Variants in TENM3 observed in about 807,000 individuals in gnomAD.
TENM3 encodes the protein teneurin transmembrane protein 3.
A neutral mutation model predicts 255.1 loss-of-function variants in TENM3; 63 were observed. The ratio of observed to expected loss-of-function variants is 0.25; its 90% CI spans 0.20 to 0.30. The LOEUF (loss-of-function observed/expected upper bound fraction) is 0.30. Ranked by LOEUF, TENM3 falls within the 10% of genes least tolerant of loss-of-function variation. TENM3 has a pLI of 1.00. For missense variants in TENM3, 2,929 were observed against 3,461.1 expected (o/e 0.85, Z 3.86); for synonymous variants, 1,306 against 1,322.3 (o/e 0.99, Z 0.27).
chr4:182,169,061 T>C (rs1181619778), intron 1 of TENM3, among the ~76,000 whole-genome samples: 5 of 125,232 alleles, frequency 4.0e-5, no homozygotes, highest in African/African-American at 1.5e-4. Flanking sequence ...ATATATGTCA[T>C]ATAATCATGC....
chr4:182,509,119 G>A (rs1001035799), intron 3 of TENM3, among the ~76,000 whole-genome samples: 11 of 152,300 alleles, frequency 7.2e-5, no homozygotes, highest in Admixed American at 5.2e-4. Context: ...TAATCTAGCA[G>A]GGATCCTTTG....
chr4:182,322,462 T>G (rs1763114916), intron 1 of TENM3, among the ~76,000 whole-genome samples: 1 of 152,190 alleles, frequency 6.6e-6, no homozygotes. Flanking sequence ...AACTCTGTGA[T>G]TATTCCAGCG....
chr4:181,605,544 A>AAGGG, the TENM3 span, among the ~76,000 whole-genome samples: 1 of 32,734 alleles, frequency 3.1e-5, no homozygotes, highest in African/African-American at 7.3e-5. Context: ...GAAAGAAAGA[A>AAGGG]AGAAAGAAAG....
At chr4:182,468,122 C>G (rs560800251) in intron 3 of TENM3, among the ~76,000 whole-genome samples, 1 of 152,260 alleles carries the variant, frequency 6.6e-6, no homozygotes, top group East Asian at 1.9e-4. Flanking sequence ...CCTGGTGGCT[C>G]ATGCCTGTAA....
At chr4:181,996,800 C>G in the TENM3 span, among the ~76,000 whole-genome samples, 1 of 152,106 alleles carries the variant, frequency 6.6e-6, no homozygotes, top group Non-Finnish European at 1.5e-5. Context: ...GATACGGGAA[C>G]AAGGGTGGCC....
intron 2 of TENM3, 109 bp downstream of exon 2, chr4:182,324,361 C>T: frequency 2.6e-6 from 2 of 784,168 alleles, no homozygotes; most frequent in Non-Finnish European, 4.3e-6. Context: ...GGCGTTCCAT[C>T]TGCTGATTCT....
chr4:181,803,939 C>CAA, the TENM3 span, among the ~76,000 whole-genome samples: 3,701 of 117,496 alleles, frequency 0.031, 181 homozygotes, highest in African/African-American at 0.11. Flanking sequence ...ATTATCTCAA[C>CAA]AAAAAAAAAA....
At chr4:181,532,194 C>T in the TENM3 span, among the ~76,000 whole-genome samples, 2 of 152,006 alleles carry the variant, frequency 1.3e-5, no homozygotes, top group African/African-American at 4.8e-5. Flanking sequence ...TGGAAAGCCA[C>T]GTGTATGAAA....
the TENM3 span, among the ~76,000 whole-genome samples, chr4:181,948,590 A>ATT: frequency 6.6e-6 from 1 of 151,674 alleles, no homozygotes; most frequent in Non-Finnish European, 1.5e-5. Context: ...TAATTTTTGT[A>ATT]TTTTTTTAGT....
At chr4:182,622,625 G>C (rs192499745) in intron 4 of TENM3, among the ~76,000 whole-genome samples, 3 of 152,058 alleles carry the variant, frequency 2.0e-5, no homozygotes, top group Non-Finnish European at 4.4e-5. Flanking sequence ...CACATCCCAG[G>C]CTTGCTTTTT....
chr4:181,629,862 A>C, the TENM3 span, among the ~76,000 whole-genome samples: 2 of 152,226 alleles, frequency 1.3e-5, no homozygotes, highest in East Asian at 1.9e-4. Context: ...AAAATGAGTT[A>C]GGGAGCATTC....
intron 1 of TENM3, among the ~76,000 whole-genome samples, chr4:182,233,041 AG>A (rs531547283): frequency 5.3e-4 from 81 of 152,248 alleles, no homozygotes; most frequent in Admixed American, 1.0e-3. Context: ...ACTGAGGATA[AG>A]GGGAGACTCT....
the TENM3 span, among the ~76,000 whole-genome samples, chr4:181,634,323 C>A: frequency 6.6e-6 from 1 of 151,470 alleles, no homozygotes; most frequent in South Asian, 2.1e-4. Context: ...GAAAAAAATT[C>A]AGCCTCTCCA....
At chr4:181,502,077 T>C in the TENM3 span, among the ~76,000 whole-genome samples, 1 of 152,194 alleles carries the variant, frequency 6.6e-6, no homozygotes, top group African/African-American at 2.4e-5. Flanking sequence ...AAGGAGTGAC[T>C]GTATTAATGT....
At chr4:181,582,816 G>A in the TENM3 span, among the ~76,000 whole-genome samples, 3 of 152,186 alleles carry the variant, frequency 2.0e-5, no homozygotes, top group Admixed American at 2.0e-4. Flanking sequence ...TGCTCCATCT[G>A]AAAAGGAAAG....
At chr4:181,857,061 C>T in the TENM3 span, among the ~76,000 whole-genome samples, 4 of 152,162 alleles carry the variant, frequency 2.6e-5, no homozygotes, top group Non-Finnish European at 5.9e-5. Context: ...ATGGTGTTTA[C>T]TTCTAATGGA....
the TENM3 span, among the ~76,000 whole-genome samples, chr4:182,099,803 A>T: frequency 1.3e-5 from 2 of 152,192 alleles, no homozygotes; most frequent in Non-Finnish European, 1.5e-5. Flanking sequence ...GAGAGAGAAG[A>T]GAAAAAGGCA....
At chr4:182,455,761 C>T (rs890659831) in intron 3 of TENM3, among the ~76,000 whole-genome samples, 1 of 151,926 alleles carries the variant, frequency 6.6e-6, no homozygotes, top group Admixed American at 6.6e-5. Context: ...AGGGTCTCAC[C>T]ATGTTGGCCA....
intron 1 of TENM3, among the ~76,000 whole-genome samples, chr4:182,169,020 C>T (rs952035278): frequency 2.0e-5 from 3 of 151,130 alleles, no homozygotes; most frequent in Admixed American, 6.6e-5. Context: ...TTAAAAGTGA[C>T]AGCTATATGA....
Sources: gnomAD v4.1 joint callset for allele counts (sites outside exome capture counted in the v4.1 genomes callset) on GRCh38, gnomAD v4.1.1 for gene constraint, MANE v1.5 for transcripts, NCBI Gene and HGNC (gene_info 2026-07-23, HGNC 2026-07-21) for gene names.